Variants in ZC3H12C observed in about 807,000 individuals in gnomAD.
The protein encoded by ZC3H12C is zinc finger CCCH-type containing 12C, also known as probable ribonuclease ZC3H12C.
A neutral mutation model predicts 76.3 loss-of-function variants in ZC3H12C; 20 were observed. The ratio of observed to expected loss-of-function variants is 0.26; its 90% CI spans 0.18 to 0.38. The LOEUF (loss-of-function observed/expected upper bound fraction) is 0.38. Ranked by LOEUF, ZC3H12C falls within the 10% of genes least tolerant of loss-of-function variation. The pLI is 1.00. For synonymous variants in ZC3H12C, 352 were observed against 399.6 expected (o/e 0.88, Z 1.42); for missense variants, 874 against 1,086.5 (o/e 0.80, Z 2.75).
chr11:110,144,316 C>T (rs1211263666), intron 2 of ZC3H12C, among the ~76,000 whole-genome samples: 1 of 152,156 alleles, frequency 6.6e-6, no homozygotes, highest in Non-Finnish European at 1.5e-5. Context: ...TCGAAGACTT[C>T]GATATGCCAC....
intron 1 of ZC3H12C, among the ~76,000 whole-genome samples, chr11:110,114,165 G>A (rs1335290522): frequency 6.6e-6 from 1 of 152,062 alleles, no homozygotes; most frequent in South Asian, 2.1e-4. Context: ...CATCTCTCAC[G>A]CCTCTGGACC....
chr11:110,156,447 T>C (rs1862378427), intron 3 of ZC3H12C, among the ~76,000 whole-genome samples: 2 of 152,356 alleles, frequency 1.3e-5, no homozygotes. Flanking sequence ...ATATTACTTA[T>C]GTCAGGATTA....
Position 110,125,678 on chromosome 11 carries a change from T to C in ZC3H12C, c.22-10985T>C, listed in dbSNP as rs527868387. Among the ~76,000 whole-genome samples the C allele has an allele frequency of 3.3e-5, 5 of 152,284 alleles. No individual in the cohort carries two copies. The East Asian group carries it at 7.7e-4, about 23-fold the overall frequency. On this transcript the variant is annotated intron_variant, in intron 1 of 5. Transcript: ENST00000278590. Reference sequence around the variant, plus strand: ...TCTGATGTTCTGTCCACCTAGCATTTTCCTGCTCTGCTTCTGTTACTATCA... The same window carrying C: ...TCTGATGTTCTGTCCACCTAGCATTCTCCTGCTCTGCTTCTGTTACTATCA...
intron 2 of ZC3H12C, among the ~76,000 whole-genome samples, chr11:110,147,593 A>G (rs1377876609): frequency 1.3e-5 from 2 of 151,254 alleles, no homozygotes; most frequent in Admixed American, 1.3e-4. Flanking sequence ...ATTTCAGCCC[A>G]TGTATCCCAG....
In ZC3H12C at chr11:110,168,821, A is replaced by G. The variant is rs987100302; in HGVS notation, c.*3084A>G. ...TTTGTCATTGACTTACACATTTGGA[A>G]GAAATGCACACCAGTGTAATATATT... is the stretch of plus-strand genomic sequence containing the variant. On this transcript the variant is annotated 3_prime_UTR_variant, in exon 6 of 6. Coordinates refer to ENST00000278590, the MANE Select transcript of ZC3H12C (RefSeq NM_033390.2). The G allele has an allele frequency of 7.2e-5, 11 of 152,184 alleles. No individual in the cohort carries two copies. The highest frequency in any genetic ancestry group is 2.7e-4 in the African/African-American group (11 of 41,462). The allele number at this position is 152,184 out of a possible 1,614,324, so 9.4% of individuals were successfully genotyped here.
In ZC3H12C at chr11:110,165,332, C is replaced by G. The variant is rs775435475; in HGVS notation, c.2247C>G (p.Asp749Glu). ...GGTCCTTGGTGGCCACGAGAATAGACAGCATCTCTGACTCTCGACTTTATG... is the reference window on the plus strand; with the variant it reads ...GGTCCTTGGTGGCCACGAGAATAGAGAGCATCTCTGACTCTCGACTTTATG... ...LGRSLVATRI[D>E]SISDSRLYDS... Residue 749 changes from aspartate to glutamate, a missense_variant, in exon 6 of 6, where the codon GAC becomes GAG. Around this residue, in one of 3 missense-constraint regions of ZC3H12C, gnomAD observed 395 missense variants for 434.4 expected, o/e 0.91. Coordinates refer to ENST00000278590, the MANE Select transcript of ZC3H12C (RefSeq NM_033390.2). The G allele has an allele frequency of 1.2e-5, 19 of 1,614,032 alleles. No homozygotes were observed. The highest frequency in any genetic ancestry group is 1.5e-5 in the Non-Finnish European group (18 of 1,179,892).
intron 1 of ZC3H12C, chr11:110,130,983 A>G: frequency 6.6e-7 from 1 of 1,512,304 alleles, no homozygotes. Context: ...AGACATTACC[A>G]TTCCATCTGT....
intron 1 of ZC3H12C, among the ~76,000 whole-genome samples, chr11:110,106,883 G>C (rs1362209764): frequency 6.6e-6 from 1 of 152,176 alleles, no homozygotes; most frequent in Non-Finnish European, 1.5e-5. Context: ...GGTTTTTTCA[G>C]TATTTCAATT....
intron 1 of ZC3H12C, among the ~76,000 whole-genome samples, chr11:110,114,906 C>T (rs1175779380): frequency 6.6e-6 from 1 of 152,104 alleles, no homozygotes; most frequent in East Asian, 1.9e-4. Context: ...AGAAAGCTAA[C>T]TGAAAAGTGT....
intron 2 of ZC3H12C, among the ~76,000 whole-genome samples, chr11:110,152,318 C>T (rs995722473): frequency 6.6e-6 from 1 of 152,186 alleles, no homozygotes; most frequent in African/African-American, 2.4e-5. Flanking sequence ...AACTAGGTGT[C>T]TTTTCACTGC....
intron 1 of ZC3H12C, among the ~76,000 whole-genome samples, chr11:110,098,085 AT>A (rs1861146476): frequency 6.6e-6 from 1 of 152,212 alleles, no homozygotes; most frequent in South Asian, 2.1e-4. Context: ...AGAAGGCGGC[AT>A]TATCATAGGA....
At chr11:110,108,350 A>C (rs1329047261) in intron 1 of ZC3H12C, among the ~76,000 whole-genome samples, 1 of 152,178 alleles carries the variant, frequency 6.6e-6, no homozygotes. Context: ...CTGCTCTCTC[A>C]AAAAAGGTTC....
intron 1 of ZC3H12C, among the ~76,000 whole-genome samples, chr11:110,125,194 TAA>T (rs781730608): frequency 1.3e-5 from 2 of 152,118 alleles, no homozygotes; most frequent in Non-Finnish European, 2.9e-5. Context: ...TCAAGACTGA[TAA>T]GTTTATTCCA....
At chr11:110,147,995 C>T (rs577830913) in intron 2 of ZC3H12C, among the ~76,000 whole-genome samples, 2 of 152,266 alleles carry the variant, frequency 1.3e-5, no homozygotes, top group African/African-American at 2.4e-5. Context: ...GGTCATTGCC[C>T]CACTCTTCTA....
At chr11:110,149,736 T>C (rs1250966535) in intron 2 of ZC3H12C, among the ~76,000 whole-genome samples, 2 of 152,220 alleles carry the variant, frequency 1.3e-5, no homozygotes, top group African/African-American at 2.4e-5. Flanking sequence ...AACAACTGGC[T>C]ACCTCTTTTA....
At chr11:110,141,102 G>A (rs1004995909) in intron 2 of ZC3H12C, among the ~76,000 whole-genome samples, 25 of 152,052 alleles carry the variant, frequency 1.6e-4, no homozygotes, top group African/African-American at 5.3e-4. Context: ...ACTCAGCCCC[G>A]CAAAGAGTCA....
At chr11:110,128,344 G>C (rs559126988) in intron 1 of ZC3H12C, among the ~76,000 whole-genome samples, 2 of 152,134 alleles carry the variant, frequency 1.3e-5, no homozygotes, top group South Asian at 4.2e-4. Flanking sequence ...AAATACCACA[G>C]CAGGATCTGA....
At chr11:110,151,001 A>T (rs1162800554) in intron 2 of ZC3H12C, among the ~76,000 whole-genome samples, 1 of 152,114 alleles carries the variant, frequency 6.6e-6, no homozygotes, top group East Asian at 1.9e-4. Flanking sequence ...AAACACATGG[A>T]GGATTATATT....
At chr11:110,133,725 C>T (rs1208686689) in intron 1 of ZC3H12C, among the ~76,000 whole-genome samples, 7 of 151,882 alleles carry the variant, frequency 4.6e-5, no homozygotes, top group Non-Finnish European at 1.0e-4. Flanking sequence ...TATTTTCCGC[C>T]TTGTATCATG....
Sources: gnomAD v4.1 joint callset for allele counts (sites outside exome capture counted in the v4.1 genomes callset) on GRCh38, gnomAD v4.1.1 for gene constraint, gnomAD v4.1.1 regional missense constraint, MANE v1.5 for transcripts, NCBI Gene and HGNC (gene_info 2026-07-23, HGNC 2026-07-21) for gene names.